ITPKB: variants seen among roughly 807,000 people sequenced by gnomAD.
ITPKB encodes IP3 3-kinase B.
Under a neutral mutation model 69.4 loss-of-function variants are expected in ITPKB, and 13 were observed. The observed-to-expected ratio is 0.19, with a 90% confidence interval of 0.12 to 0.30. ITPKB has a LOEUF of 0.30. ITPKB is among the 10% of genes least tolerant of loss of function. The pLI is 1.00. For missense variants in ITPKB, 1,240 were observed against 1,250.5 expected, an observed-to-expected ratio of 0.99 and a Z score of 0.13; for synonymous variants, 584 against 513.7, an observed-to-expected ratio of 1.14 and a Z score of -1.85.
intron 2 of ITPKB, among the ~76,000 whole-genome samples, chr1:226,651,802 G>A (rs543216158): frequency 6.6e-6 from 1 of 152,262 alleles, no homozygotes; most frequent in Non-Finnish European, 1.5e-5. Context: ...TCCAGGGTGG[G>A]GGTCTTCTGA....
At chr1:226,697,796 TAAG>T (rs1656529730) in intron 2 of ITPKB, among the ~76,000 whole-genome samples, 1 of 152,174 alleles carries the variant, frequency 6.6e-6, no homozygotes, top group Non-Finnish European at 1.5e-5. Context: ...ACTCTCCACA[TAAG>T]AGCTGCCCTA....
intron 2 of ITPKB, among the ~76,000 whole-genome samples, chr1:226,730,572 A>G (rs1032344774): frequency 6.6e-6 from 1 of 152,214 alleles, no homozygotes; most frequent in African/African-American, 2.4e-5. Flanking sequence ...AGAACCTTCT[A>G]CCCTGAGGCT....
intron 2 of ITPKB, among the ~76,000 whole-genome samples, chr1:226,731,555 C>T (rs1657589817): frequency 6.6e-6 from 1 of 152,180 alleles, no homozygotes; most frequent in Admixed American, 6.5e-5. Flanking sequence ...TACATAGTCA[C>T]AGACAGAACT....
intron 2 of ITPKB, among the ~76,000 whole-genome samples, chr1:226,712,591 C>A (rs888443460): frequency 2.0e-5 from 3 of 152,152 alleles, no homozygotes; most frequent in Non-Finnish European, 2.9e-5. Flanking sequence ...GAAGGGAGCG[C>A]TCGGCTGGAA....
At chr1:226,707,459 A>C (rs1656830805) in intron 2 of ITPKB, 9 of 883,800 alleles carry the variant, frequency 1.0e-5, no homozygotes, top group Non-Finnish European at 1.2e-5. Context: ...GGCCTCCTAA[A>C]GTGCTGGGAT....
chr1:226,704,981 A>G (rs1381617846), intron 2 of ITPKB, among the ~76,000 whole-genome samples: 1 of 152,356 alleles, frequency 6.6e-6, no homozygotes, highest in Non-Finnish European at 1.5e-5. Flanking sequence ...AATGTATTAA[A>G]TGTTCAGAGA....
At position 226,647,149 on chromosome 1, in the gene ITPKB, G is replaced by A. The variant is rs374469937; in HGVS notation, c.2246+18C>T. On this transcript the variant is annotated intron_variant, in intron 4 of 7. Transcript: ENST00000429204. The stretch of plus-strand genomic sequence containing the variant: ...TTGCACTGAGGCAGGCATGTGGGCT[G>A]CGAGAAGCCTGGCTCACCTGATTCC... 3.6e-4 allele frequency: 573 copies of A among 1,610,912 alleles called. No individual in the cohort carries two copies. The highest frequency in any genetic ancestry group is 4.6e-4 in the Non-Finnish European group (545 of 1,177,316).
chr1:226,712,190 C>T (rs1026144236), intron 2 of ITPKB, among the ~76,000 whole-genome samples: 3 of 152,150 alleles, frequency 2.0e-5, no homozygotes, highest in African/African-American at 4.8e-5. Context: ...ACCTTCCCAC[C>T]GCACGAGAGA....
intron 2 of ITPKB, among the ~76,000 whole-genome samples, chr1:226,711,434 A>T (rs913807402): frequency 1.3e-4 from 17 of 131,006 alleles, no homozygotes; most frequent in African/African-American, 4.7e-4. Context: ...AGAGAGAGAG[A>T]GAGAGAGAGT....
At position 226,646,034 on chromosome 1, in the gene ITPKB, GTC is replaced by G. The variant is rs150134683; in HGVS notation, c.2246+1131_2246+1132del. ...CTCTTCTCTCCTGGCCTCTGTCTCT[GTC>G]TCTCTCTCTCTCACACACACACCCC... On this transcript the variant is annotated intron_variant, in intron 4 of 7. Transcript: ENST00000429204. Among the ~76,000 whole-genome samples the G allele has an allele frequency of 5.9e-5, 9 of 152,030 alleles. No individual in the cohort carries two copies. In the East Asian group the frequency reaches 1.5e-3, roughly 26 times the overall value.
At chr1:226,704,940 A>T (rs1656765917) in intron 2 of ITPKB, among the ~76,000 whole-genome samples, 2 of 152,250 alleles carry the variant, frequency 1.3e-5, no homozygotes, top group African/African-American at 4.8e-5. Flanking sequence ...GTACTTTTTA[A>T]AAGAATCACA....
chr1:226,728,827 CA>C (rs559198160), intron 2 of ITPKB, among the ~76,000 whole-genome samples: 2 of 152,266 alleles, frequency 1.3e-5, no homozygotes, highest in South Asian at 4.1e-4. Context: ...GAATTTCACC[CA>C]AGTCTCCTAA....
At chr1:226,700,465 CAAAAAAAAAAA>C (rs58320585) in intron 2 of ITPKB, among the ~76,000 whole-genome samples, 12 of 53,964 alleles carry the variant, frequency 2.2e-4, no homozygotes, top group Non-Finnish European at 3.1e-4. Context: ...AAGACTCCGT[CAAAAAAAAAAA>C]AAAAAAAAAA....
chr1:226,702,903 T>C (rs924352234), intron 2 of ITPKB, among the ~76,000 whole-genome samples: 1 of 152,234 alleles, frequency 6.6e-6, no homozygotes, highest in Admixed American at 6.5e-5. Context: ...ATTTCATTCC[T>C]TTCTAATTAA....
chr1:226,645,932 G>C (rs929004922), intron 4 of ITPKB, among the ~76,000 whole-genome samples: 4 of 152,126 alleles, frequency 2.6e-5, no homozygotes, highest in African/African-American at 9.7e-5. Flanking sequence ...TCAGTGGCAG[G>C]GTGTGATTTT....
chr1:226,679,846 G>C (rs1656035001), intron 2 of ITPKB, among the ~76,000 whole-genome samples: 2 of 152,200 alleles, frequency 1.3e-5, no homozygotes, highest in Admixed American at 1.3e-4. Context: ...AGAAGGTTAG[G>C]AGTCTGGCTT....
At chr1:226,720,112 G>T (rs1199625516) in intron 2 of ITPKB, among the ~76,000 whole-genome samples, 3 of 152,130 alleles carry the variant, frequency 2.0e-5, no homozygotes, top group Non-Finnish European at 4.4e-5. Context: ...TTAAACAAAG[G>T]CCCATTCATT....
At chr1:226,660,321 C>T (rs952754121) in intron 2 of ITPKB, among the ~76,000 whole-genome samples, 4 of 152,238 alleles carry the variant, frequency 2.6e-5, no homozygotes, top group African/African-American at 4.8e-5. Context: ...CTTAGCGACT[C>T]TTTCAGGTCT....
rs1217421420 is a variant in ITPKB at position 226,632,273 on chromosome 1, CAG to C, written c.*2396_*2397del. The C allele has an allele frequency of 3.3e-5, 5 of 152,404 alleles. No individual in the cohort carries two copies. The highest frequency in any genetic ancestry group is 1.2e-4 in the African/African-American group (5 of 41,452). 9.4% of individuals were successfully genotyped at this position (152,404 alleles called of 1,614,324 possible). On this transcript the variant is annotated 3_prime_UTR_variant, in exon 8 of 8. Transcript: ENST00000429204. ...GCCCATTCACCTGGGCACAGGTACA[CAG>C]AGTTTGTCCTGCCTGCTGGCACATG...
Sources: allele counts gnomAD v4.1 joint callset (sites outside exome capture counted in the v4.1 genomes callset), GRCh38; gene constraint gnomAD v4.1.1; transcripts MANE v1.5; gene names NCBI Gene and HGNC (gene_info 2026-07-23, HGNC 2026-07-21).